Variants in FRMD4A observed in about 807,000 individuals in gnomAD.
FRMD4A encodes the protein FERM domain containing 4A, also known as FERM domain-containing protein 4A.
A neutral mutation model predicts 129.1 loss-of-function variants in FRMD4A; 29 were observed. That is an observed-to-expected ratio of 0.22 (90% CI 0.17 to 0.31). The LOEUF is 0.31. FRMD4A is among the 10% of genes least tolerant of loss of function. FRMD4A has a pLI of 1.00. For missense variants in FRMD4A, 1,272 were observed against 1,375.8 expected (o/e 0.92, Z 1.19); for synonymous variants, 634 against 571.6 (o/e 1.11, Z -1.56).
At chr10:14,028,341 T>C (rs1279352826) in intron 2 of FRMD4A, among the ~76,000 whole-genome samples, 5 of 152,192 alleles carry the variant, frequency 3.3e-5, no homozygotes, top group Non-Finnish European at 5.9e-5. Context: ...CCTGATGTGA[T>C]TGAAGTAATC....
At chr10:13,661,170 C>G (rs1222934451) in intron 19 of FRMD4A, among the ~76,000 whole-genome samples, 2 of 152,192 alleles carry the variant, frequency 1.3e-5, no homozygotes, top group Non-Finnish European at 2.9e-5. Flanking sequence ...TTTGAAACTG[C>G]CTTAACTTTT....
At chr10:14,213,601 C>A (rs1842989574) in intron 2 of FRMD4A, among the ~76,000 whole-genome samples, 1 of 152,306 alleles carries the variant, frequency 6.6e-6, no homozygotes, top group South Asian at 2.1e-4. Context: ...CAAACAAAAC[C>A]ATCCCACAGA....
At chr10:13,998,204 A>G (rs2095629748) in intron 2 of FRMD4A, among the ~76,000 whole-genome samples, 1 of 152,156 alleles carries the variant, frequency 6.6e-6, no homozygotes. Flanking sequence ...CTAGCTTTAA[A>G]TGCCAATCTC....
At chr10:13,777,171 G>A (rs2092615096) in intron 6 of FRMD4A, among the ~76,000 whole-genome samples, 1 of 152,116 alleles carries the variant, frequency 6.6e-6, no homozygotes, top group Admixed American at 6.5e-5. Context: ...ACTCAGCAGT[G>A]CCTTTCATGA....
At chr10:14,330,529 G>C (rs759766242) in intron 1 of FRMD4A, 68 bp downstream of exon 1, 1 of 407,382 alleles carries the variant, frequency 2.5e-6, no homozygotes, top group Admixed American at 4.1e-5. Flanking sequence ...CAAGCAGCCC[G>C]AGCCACCCCC....
intron 3 of FRMD4A, among the ~76,000 whole-genome samples, chr10:13,839,697 C>A (rs549588662): frequency 5.3e-5 from 8 of 152,198 alleles, no homozygotes; most frequent in African/African-American, 1.9e-4. Context: ...TCATAGCTCA[C>A]GGCATACAGG....
chr10:14,009,398 T>C (rs1045213566), intron 2 of FRMD4A, among the ~76,000 whole-genome samples: 17 of 152,212 alleles, frequency 1.1e-4, no homozygotes, highest in African/African-American at 4.1e-4. Flanking sequence ...GGCCATTTCC[T>C]TTGTAATCAT....
chr10:14,046,687 A>T (rs1834003171), intron 2 of FRMD4A, among the ~76,000 whole-genome samples: 1 of 152,210 alleles, frequency 6.6e-6, no homozygotes, highest in African/African-American at 2.4e-5. Context: ...CAGAATGATG[A>T]TCAAACCCCT....
chr10:13,855,295 G>A (rs938286164), intron 3 of FRMD4A, among the ~76,000 whole-genome samples: 5 of 152,180 alleles, frequency 3.3e-5, no homozygotes, highest in African/African-American at 1.2e-4. Context: ...CGGTTTGGAT[G>A]CCGTCAGCTT....
At chr10:14,129,371 CATATATATATATATATATATATAT>C (rs3033977) in intron 2 of FRMD4A, among the ~76,000 whole-genome samples, 1 of 46,202 alleles carries the variant, frequency 2.2e-5, no homozygotes, top group African/African-American at 8.2e-5. Flanking sequence ...AATTATGATT[CATATATATATATATATATATATAT>C]ATATATATAT....
chr10:14,208,639 T>G (rs1412881553), intron 2 of FRMD4A, among the ~76,000 whole-genome samples: 1 of 152,044 alleles, frequency 6.6e-6, no homozygotes, highest in Admixed American at 6.6e-5. Context: ...ACTCACCCCC[T>G]GCCTACAGGC....
At chr10:14,127,030 T>A (rs1203300189) in intron 2 of FRMD4A, among the ~76,000 whole-genome samples, 1 of 152,154 alleles carries the variant, frequency 6.6e-6, no homozygotes, top group African/African-American at 2.4e-5. Flanking sequence ...TAGAGTCTAA[T>A]AGGGAGGGCT....
intron 2 of FRMD4A, among the ~76,000 whole-genome samples, chr10:14,121,520 A>G (rs1838517256): frequency 6.6e-6 from 1 of 152,304 alleles, no homozygotes; most frequent in East Asian, 1.9e-4. Context: ...GAGGAGTAAG[A>G]GTTTAAAAGA....
chr10:13,661,003 A>G (rs2082599831), intron 19 of FRMD4A, among the ~76,000 whole-genome samples: 1 of 152,182 alleles, frequency 6.6e-6, no homozygotes. Flanking sequence ...CAGCCGACAC[A>G]TAGTAGGTGC....
chr10:14,007,700 A>G (rs957503546), intron 2 of FRMD4A, among the ~76,000 whole-genome samples: 3 of 152,224 alleles, frequency 2.0e-5, no homozygotes, highest in African/African-American at 7.2e-5. Flanking sequence ...TCTAATGAGT[A>G]TGTTTCAGTA....
intron 2 of FRMD4A, among the ~76,000 whole-genome samples, chr10:14,262,461 T>C (rs1844839021): frequency 6.6e-6 from 1 of 152,204 alleles, no homozygotes; most frequent in African/African-American, 2.4e-5. Context: ...ATGACCTCTC[T>C]TGTGTGTCGA....
chr10:13,785,132 C>CTAAA (rs1193187270), intron 5 of FRMD4A, among the ~76,000 whole-genome samples: 3 of 152,076 alleles, frequency 2.0e-5, no homozygotes, highest in Non-Finnish European at 2.9e-5. Flanking sequence ...TGTCTACACA[C>CTAAA]TAAATAAATA....
intron 3 of FRMD4A, among the ~76,000 whole-genome samples, chr10:13,828,534 T>C (rs979198341): frequency 8.5e-5 from 8 of 94,360 alleles, no homozygotes; most frequent in African/African-American, 2.2e-4. Context: ...TTTCTTTCTT[T>C]CTTTTTTTTT....
chr10:13,950,466 G>C (rs931048353), intron 2 of FRMD4A, among the ~76,000 whole-genome samples: 3 of 152,210 alleles, frequency 2.0e-5, no homozygotes, highest in Non-Finnish European at 2.9e-5. Context: ...CTTCCCACTA[G>C]AGGTGCCTAT....
Sources: allele counts gnomAD v4.1 joint callset (sites outside exome capture counted in the v4.1 genomes callset), GRCh38; gene constraint gnomAD v4.1.1; transcripts MANE v1.5; gene names NCBI Gene and HGNC (gene_info 2026-07-23, HGNC 2026-07-21).